The following RASL12 variants were observed in gnomAD, a reference collection of about 807,000 sequenced individuals.
RASL12 encodes the protein ras-like protein family member 12.
Under a neutral mutation model 22.9 loss-of-function variants are expected in RASL12, and 16 were observed. That is an observed-to-expected ratio of 0.70 (90% confidence interval 0.47 to 1.06). The LOEUF is 1.06. RASL12 is among the 50% of genes least tolerant of loss of function. The pLI, the probability that RASL12 is intolerant of heterozygous loss-of-function variation, is 0.00. For synonymous variants in RASL12, 159 were observed against 152.2 expected, an observed-to-expected ratio of 1.04 and a Z score of -0.33; for missense variants, 306 against 353.1, an observed-to-expected ratio of 0.87 and a Z score of 1.07.
intron 3 of RASL12, 57 bp from the exon 4 acceptor site, chr15:65,058,674 T>A: frequency 7.5e-7 from 1 of 1,337,268 alleles, no homozygotes; most frequent in Non-Finnish European, 9.9e-7. Context: ...GTAAAGGCCT[T>A]CACCTGAGCC....
rs199918081 is a variant in RASL12, at chr15:65,058,528, G to A, written c.324C>T (p.Ser108=). 1.2e-6 allele frequency: 2 copies of A among 1,611,772 alleles called. No individual in the cohort carries two copies. The highest frequency in any genetic ancestry group is 1.7e-6 in the Non-Finnish European group (2 of 1,178,562). ...YSVDSRQSFD[S]SSSYLELLAL... ...CAAGCAGCTCCAGGTAGCTGCTGCT[G>A]CTATCAAAGCTCTGGCGGCTGTCGA... Residue 108 remains serine, a synonymous_variant, in exon 4 of 5, where the codon AGC becomes AGT. Coordinates refer to ENST00000220062, the MANE Select transcript of RASL12 (RefSeq NM_016563.4).
rs1414364456 is a variant in RASL12 at position 65,053,627 on chromosome 15, T to C, written c.*1272A>G. Reference sequence around the variant, plus strand: ...AATCCAACAGTAGTCCTGAGACGGCTGAGAGGGGAAGGAGCAGGCTTCCAG... The same window carrying C: ...AATCCAACAGTAGTCCTGAGACGGCCGAGAGGGGAAGGAGCAGGCTTCCAG... On this transcript the variant is annotated 3_prime_UTR_variant, in exon 5 of 5. Coordinates refer to ENST00000220062, the MANE Select transcript of RASL12 (RefSeq NM_016563.4). 41 of 990,246 alleles carry C rather than the reference T, an allele frequency of 4.1e-5. No individual in the cohort carries two copies. Among genetic ancestry groups the C allele is most frequent in the Non-Finnish European group, 4.9e-5 (41 of 833,102 alleles). The allele number at this position is 990,246 out of a possible 1,614,324, so 61.3% of individuals were successfully genotyped here. A position where few individuals can be genotyped will look rare whatever the true frequency, so the allele number is the denominator to read the frequency against.
At chr15:65,076,564 C>A in exon 1 of RASL12, 1 of 702,348 alleles carries the variant, frequency 1.4e-6, no homozygotes, top group Non-Finnish European at 2.6e-6. Flanking sequence ...GAAGTCAGAC[C>A]AAGAACCCAC....
At chr15:65,070,105 C>T (rs753899063), upstream of RASL12, among the ~76,000 whole-genome samples, 17 of 152,066 alleles carry the variant, frequency 1.1e-4, no homozygotes, top group Non-Finnish European at 2.4e-4. Context: ...TCTCTACAGA[C>T]GCATATAAAA....
upstream of RASL12, among the ~76,000 whole-genome samples, chr15:65,071,882 A>C (rs775171701): frequency 3.9e-5 from 6 of 152,216 alleles, no homozygotes; most frequent in Non-Finnish European, 7.3e-5. Context: ...AGGCTAGTGC[A>C]GGTGAGGAGT....
chr15:65,051,648 T>A (rs532516214), downstream of RASL12: 1 of 1,570,648 alleles, frequency 6.4e-7, no homozygotes, highest in South Asian at 1.1e-5. Context: ...CTCTGTGGGG[T>A]AGAGGCCCTG....
At chr15:65,062,717 T>C (rs1435412615) in intron 2 of RASL12, among the ~76,000 whole-genome samples, 1 of 152,174 alleles carries the variant, frequency 6.6e-6, no homozygotes, top group Non-Finnish European at 1.5e-5. Context: ...TCAGAAGACC[T>C]AGGAAGGGCT....
intron 2 of RASL12, among the ~76,000 whole-genome samples, chr15:65,063,019 G>C (rs747940162): frequency 1.3e-5 from 2 of 152,134 alleles, no homozygotes; most frequent in Non-Finnish European, 2.9e-5. Context: ...CCACTTCCCA[G>C]ACAGTCTGCC....
downstream of RASL12, among the ~76,000 whole-genome samples, chr15:65,051,790 AAAACAG>A (rs763284084): frequency 8.9e-3 from 1,331 of 149,358 alleles, 12 homozygotes; most frequent in Middle Eastern, 0.027. Context: ...AAACAAACAA[AAAACAG>A]CAACAGTCCC....
downstream of RASL12, among the ~76,000 whole-genome samples, chr15:65,051,964 T>C (rs1372543211): frequency 2.0e-5 from 3 of 152,270 alleles, no homozygotes; most frequent in African/African-American, 7.2e-5. Context: ...AGCAGACCTG[T>C]TCCCCCTACG....
At chr15:65,056,918 C>T (rs1300192834) in intron 4 of RASL12, among the ~76,000 whole-genome samples, 1 of 151,662 alleles carries the variant, frequency 6.6e-6, no homozygotes, top group African/African-American at 2.4e-5. Context: ...CCATTTTAGA[C>T]AATCCCTTTG....
intron 2 of RASL12, among the ~76,000 whole-genome samples, chr15:65,061,405 C>T (rs2086802782): frequency 6.6e-6 from 1 of 152,204 alleles, no homozygotes; most frequent in Admixed American, 6.5e-5. Context: ...GTGGAACATG[C>T]CTGCATGAGC....
At chr15:65,053,080 A>G, downstream of RASL12, 1 of 1,614,194 alleles carries the variant, frequency 6.2e-7, no homozygotes, top group East Asian at 2.2e-5. Flanking sequence ...CAGAAAAGCC[A>G]AACTTGGCCC....
At chr15:65,058,259 ACT>A (rs2086757584) in intron 4 of RASL12, among the ~76,000 whole-genome samples, 166 bp downstream of exon 4, 1 of 152,198 alleles carries the variant, frequency 6.6e-6, no homozygotes, top group Non-Finnish European at 1.5e-5. Context: ...ACACAGTGAG[ACT>A]CTGTCTCAGA....
chr15:65,067,893 C>A lies in RASL12; in HGVS notation c.-58G>T. The A allele has an allele frequency of 1.5e-6, 2 of 1,377,092 alleles. No individual in the cohort carries two copies. Among genetic ancestry groups the A allele is most frequent in the Middle Eastern group, 2.3e-4 (1 of 4,306 alleles). 85.3% of individuals were successfully genotyped at this position (1,377,092 alleles called of 1,614,324 possible). ...GCCGGTGGGCCCCGCGCAGTGCGCC[C>A]GCCCGTCGGGGCCCAGGGGAGCGGG... On this transcript the variant is annotated 5_prime_UTR_variant, in exon 1 of 5. Transcript: ENST00000220062.
chr15:65,076,535 G>A (rs973448730), exon 1 of RASL12: 2 of 700,128 alleles, frequency 2.9e-6, no homozygotes, highest in African/African-American at 1.7e-5. Context: ...TCACCTCGAG[G>A]GTCCGCGGCT....
chr15:65,062,081 G>T (rs866456492), intron 2 of RASL12, among the ~76,000 whole-genome samples: 36 of 145,026 alleles, frequency 2.5e-4, no homozygotes, highest in South Asian at 4.4e-4. Flanking sequence ...AAAAAAAAAA[G>T]AAATGGTGCC....
Position 65,053,580 on chromosome 15 carries a change from C to A in RASL12, c.*1319G>T, listed in dbSNP as rs1013598811. 10 of 1,003,364 alleles carry A rather than the reference C, an allele frequency of 1.0e-5. No homozygotes were observed. The African/African-American group carries it at 1.7e-4, about 17-fold the overall frequency. The allele number at this position is 1,003,364 out of a possible 1,614,324, so 62.2% of individuals were successfully genotyped here. A position where few individuals can be genotyped will look rare whatever the true frequency, so the allele number is the denominator to read the frequency against. On this transcript the variant is annotated 3_prime_UTR_variant, in exon 5 of 5. Coordinates refer to ENST00000220062, the MANE Select transcript of RASL12 (RefSeq NM_016563.4). ...TCCATTTACAGAATGAGTCCGAAGACTGGGTCAGAGATGCTGTTTGCAATC... is the reference window on the plus strand; with the variant it reads ...TCCATTTACAGAATGAGTCCGAAGAATGGGTCAGAGATGCTGTTTGCAATC...
chr15:65,049,230 A>G (rs1168807191), downstream of RASL12: 1 of 151,486 alleles, frequency 6.6e-6, no homozygotes, highest in Non-Finnish European at 1.5e-5. Flanking sequence ...AATAGTTGGG[A>G]TGGAAATAGG....
Sources: allele counts gnomAD v4.1 joint callset (sites outside exome capture counted in the v4.1 genomes callset), GRCh38; gene constraint gnomAD v4.1.1; transcripts MANE v1.5; gene names NCBI Gene and HGNC (gene_info 2026-07-23, HGNC 2026-07-21).